The following ACYP2 variants were observed in gnomAD, a reference collection of about 807,000 sequenced individuals.
ACYP2 encodes acylphosphatase-2.
Under a neutral mutation model 11.2 loss-of-function variants are expected in ACYP2, and 12 were observed. The ratio of observed to expected loss-of-function variants is 1.08; its 90% confidence interval spans 0.69 to 1.74. The LOEUF is 1.74. ACYP2 is among the 40% of genes most tolerant of loss of function. The pLI, the probability that ACYP2 is intolerant of heterozygous loss-of-function variation, is 0.00. For synonymous variants in ACYP2, 43 were observed against 32.2 expected (o/e 1.33, Z -1.13); for missense variants, 134 against 101.9 (o/e 1.31, Z -1.35).
At chr2:54,119,304 A>G (rs1572797128) in intron 4 of ACYP2, among the ~76,000 whole-genome samples, 1 of 151,754 alleles carries the variant, frequency 6.6e-6, no homozygotes, top group Non-Finnish European at 1.5e-5. Context: ...CAAGCCTCCC[A>G]CCTCGGCCTC....
chr2:54,121,214 C>T (rs1464235557), intron 4 of ACYP2, among the ~76,000 whole-genome samples: 1 of 152,070 alleles, frequency 6.6e-6, no homozygotes, highest in Non-Finnish European at 1.5e-5. Flanking sequence ...AGTGGGTAGC[C>T]CTCTGTGTGA....
chr2:54,007,984 G>A (rs576610308), intron 2 of ACYP2, among the ~76,000 whole-genome samples: 1 of 152,300 alleles, frequency 6.6e-6, no homozygotes, highest in South Asian at 2.1e-4. Flanking sequence ...AAGTTAGCTC[G>A]GCCTATGCCC....
chr2:54,089,688 C>T (rs150832777), intron 4 of ACYP2, among the ~76,000 whole-genome samples: 120 of 151,988 alleles, frequency 7.9e-4, no homozygotes, highest in Middle Eastern at 6.8e-3. Flanking sequence ...TGCAGTGAGC[C>T]GTGACTGCAC....
intron 4 of ACYP2, among the ~76,000 whole-genome samples, chr2:54,077,502 C>T (rs1677408226): frequency 6.6e-6 from 1 of 152,200 alleles, no homozygotes; most frequent in South Asian, 2.1e-4. Flanking sequence ...TGCAGTATTG[C>T]AGCACGGCTG....
At chr2:54,266,709 C>T (rs1223860681) in intron 6 of ACYP2, among the ~76,000 whole-genome samples, 1 of 141,800 alleles carries the variant, frequency 7.1e-6, no homozygotes, top group African/African-American at 2.6e-5. Flanking sequence ...GGGTTCACGC[C>T]ATTCTCCTGC....
At chr2:54,028,158 C>G (rs928150120) in intron 2 of ACYP2, among the ~76,000 whole-genome samples, 3 of 151,992 alleles carry the variant, frequency 2.0e-5, no homozygotes, top group African/African-American at 7.3e-5. Context: ...CATTATGTTT[C>G]TTTGGGCTAC....
chr2:54,053,640 G>C (rs981341446), intron 3 of ACYP2, among the ~76,000 whole-genome samples: 4 of 152,168 alleles, frequency 2.6e-5, no homozygotes, highest in Admixed American at 6.5e-5. Context: ...TCTGGGCTGT[G>C]CAACTTAGGA....
At chr2:54,086,094 C>G (rs934170972) in intron 4 of ACYP2, among the ~76,000 whole-genome samples, 1 of 152,072 alleles carries the variant, frequency 6.6e-6, no homozygotes, top group African/African-American at 2.4e-5. Context: ...CAGGTGTGCA[C>G]CATCAGGCCT....
intron 2 of ACYP2, among the ~76,000 whole-genome samples, chr2:54,017,723 G>C (rs1309934672): frequency 2.6e-5 from 4 of 152,092 alleles, no homozygotes; most frequent in African/African-American, 4.8e-5. Context: ...TCCCCATCTT[G>C]TATTATTGGT....
At chr2:54,217,917 T>C (rs550688253) in intron 6 of ACYP2, among the ~76,000 whole-genome samples, 12 of 152,332 alleles carry the variant, frequency 7.9e-5, no homozygotes, top group African/African-American at 2.4e-4. Flanking sequence ...TCCAACTCTT[T>C]ATTTATCTTC....
In ACYP2 at chr2:54,039,819, T is replaced by TTGTGTGTGTGTG. The variant is rs751604890; in HGVS notation, c.63-11099_63-11088dup. Among the ~76,000 whole-genome samples the TTGTGTGTGTGTG allele has an allele frequency of 9.1e-3, 1,154 of 126,658 alleles. 13 individuals carry two copies. Among genetic ancestry groups the TTGTGTGTGTGTG allele is most frequent in the African/African-American group, 0.012 (387 of 33,436 alleles). 83.1% of individuals were successfully genotyped at this position (126,658 alleles called of 152,430 possible). ...TTCTGTGTTTTATATTTGTTTTCTTTTGTGTGTGTGTGTGTGTGTGTGTGT... is the reference window on the plus strand; with the variant it reads ...TTCTGTGTTTTATATTTGTTTTCTTTTGTGTGTGTGTGTGTGTGTGTGTGTGTGTGTGTGTGT... On this transcript the variant is annotated intron_variant, in intron 2 of 6. Transcript: ENST00000607452.
chr2:54,054,262 A>G (rs1223634181), intron 3 of ACYP2, among the ~76,000 whole-genome samples: 2 of 152,198 alleles, frequency 1.3e-5, no homozygotes, highest in African/African-American at 4.8e-5. Context: ...CCTTCTTTTC[A>G]TTGAGGTGGC....
chr2:54,273,036 A>T (rs990548386), intron 6 of ACYP2, among the ~76,000 whole-genome samples: 2 of 152,228 alleles, frequency 1.3e-5, no homozygotes, highest in African/African-American at 4.8e-5. Flanking sequence ...GAAACTAGGA[A>T]GGATCAAGGT....
At chr2:54,264,052 A>G (rs843686) in intron 6 of ACYP2, among the ~76,000 whole-genome samples, 68,384 of 151,936 alleles carry the variant, frequency 0.45, 15,799 homozygotes, top group South Asian at 0.55. Context: ...TCTTGGTCTC[A>G]CTGACTTCAA....
intron 6 of ACYP2, among the ~76,000 whole-genome samples, chr2:54,222,028 T>G (rs1685820151): frequency 6.6e-6 from 1 of 152,222 alleles, no homozygotes; most frequent in Non-Finnish European, 1.5e-5. Flanking sequence ...TGTCAGGCAG[T>G]CAACACATAT....
intron 2 of ACYP2, among the ~76,000 whole-genome samples, chr2:54,002,576 C>T (rs1051720123): frequency 1.3e-5 from 2 of 151,954 alleles, no homozygotes; most frequent in Non-Finnish European, 2.9e-5. Context: ...TGGTCTTGCA[C>T]TCAACTGATT....
At chr2:54,291,041 A>C (rs533131731) in intron 6 of ACYP2, among the ~76,000 whole-genome samples, 88 of 152,114 alleles carry the variant, frequency 5.8e-4, no homozygotes, top group African/African-American at 2.1e-3. Context: ...TAGATTCTTA[A>C]CTTCCCCCTC....
At chr2:54,155,296 T>C (rs1274974447) in intron 6 of ACYP2, among the ~76,000 whole-genome samples, 2 of 152,248 alleles carry the variant, frequency 1.3e-5, no homozygotes, top group African/African-American at 2.4e-5. Flanking sequence ...CTATTTTATT[T>C]ATTTTTGCCC....
chr2:54,188,129 T>C (rs895752212), intron 6 of ACYP2, among the ~76,000 whole-genome samples: 6 of 152,078 alleles, frequency 3.9e-5, no homozygotes, highest in African/African-American at 1.4e-4. Flanking sequence ...GGTATTCTGT[T>C]ATAGCAGCAG....
Sources: allele counts gnomAD v4.1 joint callset (sites outside exome capture counted in the v4.1 genomes callset), GRCh38; gene constraint gnomAD v4.1.1; transcripts MANE v1.5; gene names NCBI Gene and HGNC (gene_info 2026-07-23, HGNC 2026-07-21).